SLX4IP: variants seen among roughly 807,000 people sequenced by gnomAD.
The protein encoded by SLX4IP is SLX4 interacting protein.
In SLX4IP, 34 loss-of-function variants were observed where a neutral mutation model predicts 32.9. That is an observed-to-expected ratio of 1.03 (90% confidence interval 0.79 to 1.38). The LOEUF is 1.38. Ranked by LOEUF, SLX4IP falls within the 40% of genes most tolerant of loss-of-function variation. The pLI is 0.00. For synonymous variants in SLX4IP, 172 were observed against 171.7 expected (o/e 1.00, Z -0.01); for missense variants, 444 against 479.0 (o/e 0.93, Z 0.68).
At chr20:10,520,129 C>T (rs1388417684) in intron 2 of SLX4IP, among the ~76,000 whole-genome samples, 2 of 152,020 alleles carry the variant, frequency 1.3e-5, no homozygotes, top group Admixed American at 1.3e-4. Flanking sequence ...CAGCTCACTG[C>T]TACCTCCGCC....
chr20:10,530,454 G>A (rs1600968709), intron 2 of SLX4IP, among the ~76,000 whole-genome samples: 1 of 152,282 alleles, frequency 6.6e-6, no homozygotes, highest in East Asian at 1.9e-4. Context: ...GCATCAGAGG[G>A]TAGAAGAAAA....
intron 2 of SLX4IP, among the ~76,000 whole-genome samples, chr20:10,492,847 G>A (rs1600927002): frequency 2.6e-5 from 4 of 151,934 alleles, no homozygotes; most frequent in African/African-American, 7.3e-5. Context: ...TCCTTTCCCC[G>A]TTGAAGTGTA....
At chr20:10,511,248 T>C (rs1776664494) in intron 2 of SLX4IP, among the ~76,000 whole-genome samples, 1 of 152,248 alleles carries the variant, frequency 6.6e-6, no homozygotes. Flanking sequence ...ATGGGGCTGA[T>C]GGTGTGCGTT....
intron 2 of SLX4IP, among the ~76,000 whole-genome samples, chr20:10,539,771 T>A (rs1198388148): frequency 1.3e-5 from 2 of 152,164 alleles, no homozygotes; most frequent in African/African-American, 4.8e-5. Flanking sequence ...TAGAATCGGG[T>A]AGGGAGCTTT....
chr20:10,473,898 C>T (rs1052716321), intron 2 of SLX4IP, among the ~76,000 whole-genome samples: 2 of 152,048 alleles, frequency 1.3e-5, no homozygotes, highest in African/African-American at 4.8e-5. Flanking sequence ...TCTTGGCTCA[C>T]TGCAACCTCC....
intron 1 of SLX4IP, among the ~76,000 whole-genome samples, chr20:10,450,820 C>T (rs1568686234): frequency 1.3e-5 from 2 of 152,302 alleles, no homozygotes; most frequent in African/African-American, 4.8e-5. Context: ...GGTGCGATCT[C>T]GGCTCACTGC....
At chr20:10,477,401 C>T (rs1030906007) in intron 2 of SLX4IP, among the ~76,000 whole-genome samples, 1 of 152,146 alleles carries the variant, frequency 6.6e-6, no homozygotes, top group East Asian at 1.9e-4. Flanking sequence ...ACGTTGGCCT[C>T]CCAAAGTGCT....
chr20:10,613,242 C>G (rs1396787716), intron 6 of SLX4IP: 1 of 595,544 alleles, frequency 1.7e-6, no homozygotes, highest in Non-Finnish European at 3.0e-6. Context: ...AGACCTCACA[C>G]AATGTCAAGT....
At chr20:10,562,011 T>C (rs1224575095) in intron 4 of SLX4IP, among the ~76,000 whole-genome samples, 1 of 152,164 alleles carries the variant, frequency 6.6e-6, no homozygotes, top group Admixed American at 6.5e-5. Flanking sequence ...TAGGGGAACA[T>C]ACAGACGGGC....
intron 4 of SLX4IP, among the ~76,000 whole-genome samples, chr20:10,598,132 A>C (rs1023099868): frequency 1.3e-5 from 2 of 152,212 alleles, no homozygotes; most frequent in African/African-American, 2.4e-5. Context: ...TTCGTTTTAC[A>C]GTTGAAGTAA....
At chr20:10,468,153 A>G (rs1375650055) in intron 2 of SLX4IP, among the ~76,000 whole-genome samples, 2 of 152,166 alleles carry the variant, frequency 1.3e-5, no homozygotes, top group Non-Finnish European at 1.5e-5. Flanking sequence ...TGCTGCCTCC[A>G]CACACCCTGG....
rs916754139 is a variant in SLX4IP, at chr20:10,559,317, A to G, written c.118-1383A>G. On this transcript the variant is annotated intron_variant, in intron 3 of 7. Coordinates refer to ENST00000334534, the MANE Select transcript of SLX4IP (RefSeq NM_001009608.3). ...GAAACTCACACTCATGAGTTAAATC[A>G]AGGGTTTTCTATATTGTTTGAGGAG... Among the ~76,000 whole-genome samples the G allele has an allele frequency of 1.3e-5, 2 of 152,200 alleles. 1 individual carries two copies. The highest frequency in any genetic ancestry group is 4.1e-4 in the South Asian group (2 of 4,836).
At chr20:10,473,379 G>A (rs1383716524) in intron 2 of SLX4IP, among the ~76,000 whole-genome samples, 1 of 152,198 alleles carries the variant, frequency 6.6e-6, no homozygotes, top group Non-Finnish European at 1.5e-5. Context: ...CACAGTCATT[G>A]CAGTGATTTT....
chr20:10,601,606 A>C, intron 5 of SLX4IP, 125 bp from the exon 6 acceptor site: 3 of 713,018 alleles, frequency 4.2e-6, no homozygotes, highest in Non-Finnish European at 7.2e-6. Context: ...GGAGGAGAGA[A>C]GAGACGTATG....
At chr20:10,613,914 C>T (rs1276146858) in intron 6 of SLX4IP, 21 of 1,315,504 alleles carry the variant, frequency 1.6e-5, no homozygotes, top group East Asian at 4.6e-5. Flanking sequence ...AAAGAGTAGC[C>T]GCCAATACGC....
chr20:10,536,403 G>A (rs1402755602), intron 2 of SLX4IP, among the ~76,000 whole-genome samples: 2 of 152,092 alleles, frequency 1.3e-5, no homozygotes, highest in East Asian at 1.9e-4. Flanking sequence ...TGGTGAGTTG[G>A]TTGCAGTGAG....
chr20:10,561,532 ATTTTTCT>A (rs1009214098), intron 4 of SLX4IP, among the ~76,000 whole-genome samples: 1 of 141,138 alleles, frequency 7.1e-6, no homozygotes, highest in Non-Finnish European at 1.5e-5. Flanking sequence ...CTATATATCT[ATTTTTCT>A]TTTTTCTTTT....
At chr20:10,523,450 A>G (rs746490354) in intron 2 of SLX4IP, among the ~76,000 whole-genome samples, 24 of 152,250 alleles carry the variant, frequency 1.6e-4, no homozygotes, top group Non-Finnish European at 2.8e-4. Flanking sequence ...ACATAGTCAA[A>G]CGCCTTTGTG....
At chr20:10,558,508 G>T (rs2066294162) in intron 3 of SLX4IP, among the ~76,000 whole-genome samples, 1 of 152,102 alleles carries the variant, frequency 6.6e-6, no homozygotes, top group Admixed American at 6.5e-5. Flanking sequence ...TCTCATGATT[G>T]GGATTTTATG....
Sources: gnomAD v4.1 joint callset for allele counts (sites outside exome capture counted in the v4.1 genomes callset) on GRCh38, gnomAD v4.1.1 for gene constraint, MANE v1.5 for transcripts, NCBI Gene and HGNC (gene_info 2026-07-23, HGNC 2026-07-21) for gene names.